Variants in PEX7 observed in about 807,000 individuals in gnomAD.
The protein encoded by PEX7 is peroxisomal biogenesis factor 7.
Under a neutral mutation model 47.5 loss-of-function variants are expected in PEX7, and 34 were observed. The observed-to-expected ratio is 0.72, with a 90% confidence interval of 0.54 to 0.95. The LOEUF is 0.95. Ranked by LOEUF, PEX7 falls within the 40% of genes least tolerant of loss-of-function variation. The pLI, the probability that PEX7 is intolerant of heterozygous loss-of-function variation, is 0.00. For synonymous variants in PEX7, 141 were observed against 148.8 expected (o/e 0.95, Z 0.38); for missense variants, 394 against 400.3 (o/e 0.98, Z 0.13).
chr6:136,869,376 G>A (rs1216737518), intron 6 of PEX7, among the ~76,000 whole-genome samples: 1 of 152,036 alleles, frequency 6.6e-6, no homozygotes, highest in Non-Finnish European at 1.5e-5. Flanking sequence ...CTCTCAAGTA[G>A]CTAAAATTAC....
chr6:136,827,811 C>T lies in PEX7; in HGVS notation c.339+1342C>T, dbSNP rs375967923. Among the ~76,000 whole-genome samples, 4 of 150,820 alleles carry T rather than the reference C, an allele frequency of 2.7e-5. 1 individual carries two copies. Among genetic ancestry groups the T allele is most frequent in the African/African-American group, 4.9e-5 (2 of 40,920 alleles). ...CCTCCCAAAGTGCTGGGATTATAGG[C>T]GTGAGCCACCGTGCCCAGCCAATTT... On this transcript the variant is annotated intron_variant, in intron 3 of 9. Transcript: ENST00000318471.
intron 8 of PEX7, among the ~76,000 whole-genome samples, chr6:136,884,068 T>G (rs1775425329): frequency 6.6e-6 from 1 of 152,124 alleles, no homozygotes; most frequent in Non-Finnish European, 1.5e-5. Flanking sequence ...ACAAGGAAAA[T>G]AAATAGAAAA....
At position 136,900,950 on chromosome 6, in the gene PEX7, C is replaced by A; in HGVS notation, c.903+2709C>A. On this transcript the variant is annotated intron_variant, in intron 9 of 9. Coordinates refer to ENST00000318471, the MANE Select transcript of PEX7 (RefSeq NM_000288.4). This position sits in a 1 kb window ranked among gnomAD's most constrained non-coding sequence, Gnocchi z 4.2. ...GTTCATCACAGGAGGCACTTTTAGG[C>A]TCTTGTAGAGGATAACTCTTTGCTG... The A allele has an allele frequency of 4.6e-6, 1 of 218,820 alleles. No homozygotes were observed. The allele number at this position is 218,820 out of a possible 1,614,324, so 13.6% of individuals were successfully genotyped here. A position where few individuals can be genotyped will look rare whatever the true frequency, so the allele number is the denominator to read the frequency against.
At chr6:136,859,796 G>A (rs1258161883) in intron 5 of PEX7, among the ~76,000 whole-genome samples, 1 of 152,118 alleles carries the variant, frequency 6.6e-6, no homozygotes, top group East Asian at 1.9e-4. Context: ...GCCAAGGTGA[G>A]CGGATCACTT....
rs527510044 is a variant in PEX7 at position 136,862,511 on chromosome 6, G to A, written c.527-4116G>A. 5.3e-5 allele frequency among the ~76,000 whole-genome samples: 8 copies of A among 152,048 alleles called. No homozygotes were observed. In the East Asian group the frequency reaches 1.5e-3, roughly 29 times the overall value. On this transcript the variant is annotated intron_variant, in intron 5 of 9. Coordinates refer to ENST00000318471, the MANE Select transcript of PEX7 (RefSeq NM_000288.4). ...CTACCTCAACCTCCAGAGTAGCTGG[G>A]ACTACAGGTGTGTGCCACCATGCCT...
At chr6:136,846,735 G>T (rs1425738005) in intron 5 of PEX7, among the ~76,000 whole-genome samples, 2 of 152,140 alleles carry the variant, frequency 1.3e-5, no homozygotes, top group African/African-American at 4.8e-5. Context: ...TCTTGATCCA[G>T]TCTATCATTG....
intron 6 of PEX7, among the ~76,000 whole-genome samples, chr6:136,869,208 A>G (rs1775128565): frequency 6.6e-6 from 1 of 152,018 alleles, no homozygotes; most frequent in Non-Finnish European, 1.5e-5. Context: ...TATAGGAGTG[A>G]ACCACCGCAC....
intron 6 of PEX7, among the ~76,000 whole-genome samples, chr6:136,867,437 C>T (rs1445768044): frequency 6.6e-6 from 1 of 151,742 alleles, no homozygotes; most frequent in Non-Finnish European, 1.5e-5. Context: ...TATTGATAAT[C>T]CTGACTCAGT....
intron 8 of PEX7, 36 bp from the exon 9 acceptor site, chr6:136,898,106 A>C: frequency 8.1e-7 from 1 of 1,232,170 alleles, no homozygotes; most frequent in Non-Finnish European, 1.2e-6. Context: ...TGGTAGTTTT[A>C]GCATTTAAAT....
intron 2 of PEX7, 121 bp downstream of exon 2, chr6:136,825,392 T>C (rs1774169461): frequency 1.2e-6 from 1 of 813,114 alleles, no homozygotes; most frequent in African/African-American, 1.7e-5. Context: ...GGCGTTTGCA[T>C]AGGATGAAGC....
At position 136,898,139 on chromosome 6, in the gene PEX7, C is replaced by G; in HGVS notation, c.804-3C>G. ...AATTATTCCCTTTTATTTATCTTCA[C>G]AGATTCTGGAACTTTTCAAAGCCTG... is the stretch of plus-strand genomic sequence containing the variant. On this transcript the variant is annotated splice_polypyrimidine_tract_variant and splice_region_variant and intron_variant, in intron 8 of 9. Coordinates refer to ENST00000318471, the MANE Select transcript of PEX7 (RefSeq NM_000288.4). 2 of 1,563,424 alleles carry G rather than the reference C, an allele frequency of 1.3e-6. No homozygotes were observed. Among genetic ancestry groups the G allele is most frequent in the Non-Finnish European group, 1.8e-6 (2 of 1,133,826 alleles).
intron 7 of PEX7, among the ~76,000 whole-genome samples, chr6:136,871,532 T>C (rs901616583): frequency 2.0e-5 from 3 of 152,306 alleles, no homozygotes; most frequent in Middle Eastern, 3.4e-3. Context: ...CTTATATTTG[T>C]AAGAATCATT....
chr6:136,886,171 C>T (rs1193081140), intron 8 of PEX7, among the ~76,000 whole-genome samples: 1 of 152,188 alleles, frequency 6.6e-6, no homozygotes, highest in Admixed American at 6.5e-5. Context: ...TTGTTGCCCT[C>T]TGCTCCTTGG....
rs1033230978 is a variant in PEX7, at chr6:136,913,892, C to T, written c.*366C>T. ...TCATTTTTGATGTAAAATATAATCA[C>T]TGCTGTGATAAATAAACTATCTATT... On this transcript the variant is annotated 3_prime_UTR_variant, in exon 10 of 10. Transcript: ENST00000318471. The T allele has an allele frequency of 2.3e-5, 5 of 220,012 alleles. No homozygotes were observed. Among genetic ancestry groups the T allele is most frequent in the African/African-American group, 4.7e-5 (2 of 42,388 alleles). 13.6% of individuals were successfully genotyped at this position (220,012 alleles called of 1,614,324 possible). A position where few individuals can be genotyped will look rare whatever the true frequency, so the allele number is the denominator to read the frequency against.
chr6:136,827,332 TATG>T (rs1182505952), intron 3 of PEX7, among the ~76,000 whole-genome samples: 1 of 152,230 alleles, frequency 6.6e-6, no homozygotes, highest in Non-Finnish European at 1.5e-5. Context: ...CTATTTTAAT[TATG>T]ATAGCTATTT....
chr6:136,896,919 T>G (rs577704547), intron 8 of PEX7, among the ~76,000 whole-genome samples: 8 of 152,292 alleles, frequency 5.3e-5, no homozygotes, highest in African/African-American at 1.9e-4. Context: ...GTCTCTAGAA[T>G]TCAAAGAAAC....
At chr6:136,828,955 T>A (rs557977541) in intron 3 of PEX7, among the ~76,000 whole-genome samples, 1 of 152,364 alleles carries the variant, frequency 6.6e-6, no homozygotes, top group African/African-American at 2.4e-5. Flanking sequence ...TTTAATTTTT[T>A]AAATTTGTTT....
chr6:136,822,807 C>T lies in PEX7; in HGVS notation c.130+12C>T. The T allele has an allele frequency of 7.8e-7, 1 of 1,285,934 alleles. No individual in the cohort carries two copies. The highest frequency in any genetic ancestry group is 9.8e-7 in the Non-Finnish European group (1 of 1,022,834). The allele number at this position is 1,285,934 out of a possible 1,614,324, so 79.7% of individuals were successfully genotyped here. ...CTACGGCATCGCGGGTGAGGCGGCG[C>T]CGCGCAGCTGGGGCCGGGGGGCGGA... On this transcript the variant is annotated intron_variant, in intron 1 of 9. Coordinates refer to ENST00000318471, the MANE Select transcript of PEX7 (RefSeq NM_000288.4).
intron 8 of PEX7, among the ~76,000 whole-genome samples, chr6:136,890,603 GGA>G (rs1775538005): frequency 6.6e-6 from 1 of 152,116 alleles, no homozygotes. Context: ...CCTCTGCTGA[GGA>G]GAGAGTTGTT....
Sources: allele counts gnomAD v4.1 joint callset (sites outside exome capture counted in the v4.1 genomes callset), GRCh38; gene constraint gnomAD v4.1.1; non-coding constraint Gnocchi (gnomAD v3.1); transcripts MANE v1.5; gene names NCBI Gene and HGNC (gene_info 2026-07-23, HGNC 2026-07-21).